STK38: variants seen among roughly 807,000 people sequenced by gnomAD.
STK38 encodes the protein serine/threonine kinase 38.
In STK38, 26 loss-of-function variants were observed where a neutral mutation model predicts 59.0. That is an observed-to-expected ratio of 0.44 (90% CI 0.32 to 0.61). The LOEUF is 0.61. Ranked by LOEUF, STK38 falls within the 20% of genes least tolerant of loss-of-function variation. The pLI is 0.04. For synonymous variants in STK38, 175 were observed against 176.6 expected (o/e 0.99, Z 0.07); for missense variants, 433 against 566.0 (o/e 0.76, Z 2.38).
At chr6:36,504,940 GGAAA>G (rs990678217) in intron 9 of STK38, among the ~76,000 whole-genome samples, 4 of 138,236 alleles carry the variant, frequency 2.9e-5, no homozygotes, top group East Asian at 4.3e-4. Context: ...AGAAAAGAAA[GGAAA>G]GAAAGAAAGA....
chr6:36,540,052 T>C lies in STK38; in HGVS notation c.131+20A>G. ...GAATGCCACAACCATGACACAATTTTTTCAAACAAAATTCTTTACCTCATT... is the reference window on the plus strand; with the variant it reads ...GAATGCCACAACCATGACACAATTTCTTCAAACAAAATTCTTTACCTCATT... On this transcript the variant is annotated intron_variant, in intron 2 of 13. Coordinates refer to ENST00000229812, the MANE Select transcript of STK38 (RefSeq NM_007271.4). 6.2e-7 allele frequency: 1 copy of C among 1,612,984 alleles called. No homozygotes were observed. The highest frequency in any genetic ancestry group is 8.5e-7 in the Non-Finnish European group (1 of 1,179,412).
At position 36,506,638 on chromosome 6, in the gene STK38, T is replaced by C. The variant is rs778851113; in HGVS notation, c.779A>G (p.Gln260Arg). 1.9e-6 allele frequency: 3 copies of C among 1,613,122 alleles called. No individual in the cohort carries two copies. The highest frequency in any genetic ancestry group is 2.5e-6 in the Non-Finnish European group (3 of 1,179,766). The change falls in exon 9 of 14, where the codon CAG becomes CGG. Residue 260 changes from glutamine to arginine, a missense_variant. Gln to Arg is a conservative substitution (Grantham distance 43). Coordinates refer to ENST00000229812, the MANE Select transcript of STK38 (RefSeq NM_007271.4). Reference protein sequence around the residue: ...NHSLPSDFTFQNMNSKRKAET... With the variant: ...NHSLPSDFTFRNMNSKRKAET... Reference sequence around the variant, plus strand: ...TGCTTTCCTTTTGGAATTCATGTTCTGGAAAGCTGAAAGTAAAGAATACAA... The same window carrying C: ...TGCTTTCCTTTTGGAATTCATGTTCCGGAAAGCTGAAAGTAAAGAATACAA...
At chr6:36,507,687 T>C (rs1777000726) in intron 7 of STK38, 85 bp from the exon 8 acceptor site, 1 of 945,520 alleles carries the variant, frequency 1.1e-6, no homozygotes, top group South Asian at 1.6e-5. Flanking sequence ...CCAGCATCCA[T>C]TATAGCTCTA....
At chr6:36,527,963 G>A (rs1214639116) in intron 2 of STK38, among the ~76,000 whole-genome samples, 4 of 150,268 alleles carry the variant, frequency 2.7e-5, no homozygotes, top group Non-Finnish European at 5.9e-5. Context: ...AAAAAAATTA[G>A]CCAGGTGTAG....
In STK38 at chr6:36,530,471, T is replaced by G. The variant is rs532860762; in HGVS notation, c.132-4829A>C. 1.5e-4 allele frequency among the ~76,000 whole-genome samples: 22 copies of G among 151,224 alleles called. No individual in the cohort carries two copies. In the South Asian group the frequency reaches 4.0e-3, roughly 27 times the overall value. On this transcript the variant is annotated intron_variant, in intron 2 of 13. Transcript: ENST00000229812. ...CCTCTGCCTCCCGGGTACAAGTGAT[T>G]CTTCTGCCTCAGCCTCCCGGATAGC...
intron 5 of STK38, among the ~76,000 whole-genome samples, chr6:36,518,917 C>T (rs1777319364): frequency 6.6e-6 from 1 of 152,138 alleles, no homozygotes; most frequent in African/African-American, 2.4e-5. Flanking sequence ...TGGCTGTTGG[C>T]AAATTTAGTC....
intron 3 of STK38, 36 bp downstream of exon 3, chr6:36,525,555 C>T (rs749926839): frequency 6.2e-7 from 1 of 1,602,604 alleles, no homozygotes; most frequent in Admixed American, 1.7e-5. Flanking sequence ...ACCTGCCACG[C>T]TGGGTTTTAA....
chr6:36,497,223 C>A (rs1200368229), intron 12 of STK38, among the ~76,000 whole-genome samples: 1 of 152,198 alleles, frequency 6.6e-6, no homozygotes, highest in Non-Finnish European at 1.5e-5. Flanking sequence ...CAAATCAGTA[C>A]ACAATTATAA....
chr6:36,511,308 G>A (rs1461046914), intron 7 of STK38, among the ~76,000 whole-genome samples: 1 of 151,860 alleles, frequency 6.6e-6, no homozygotes, highest in East Asian at 1.9e-4. Context: ...AAGGTAAACT[G>A]CCAAACAGGG....
intron 13 of STK38, among the ~76,000 whole-genome samples, chr6:36,496,390 A>G (rs1359562605): frequency 3.3e-5 from 5 of 152,054 alleles, no homozygotes; most frequent in East Asian, 1.9e-4. Context: ...TTTAAATCTC[A>G]TATTTCTTCA....
At chr6:36,497,928 GAA>G (rs1161632039) in intron 11 of STK38, 53 bp from the exon 12 acceptor site, 55 of 852,624 alleles carry the variant, frequency 6.5e-5, no homozygotes, top group Non-Finnish European at 9.0e-5. Flanking sequence ...CTCAGAAAAA[GAA>G]AAACTTTCTT....
chr6:36,539,253 G>A (rs1777873597), intron 2 of STK38, among the ~76,000 whole-genome samples: 1 of 151,908 alleles, frequency 6.6e-6, no homozygotes, highest in South Asian at 2.1e-4. Context: ...AGGCGTGGTG[G>A]CTCACACCTG....
chr6:36,497,916 T>G, intron 11 of STK38, 41 bp from the exon 12 acceptor site: 1 of 1,209,098 alleles, frequency 8.3e-7, no homozygotes, highest in Non-Finnish European at 1.2e-6. Context: ...TCAAGCAGTC[T>G]CCTCAGAAAA....
chr6:36,512,304 C>T (rs933209261), intron 7 of STK38, among the ~76,000 whole-genome samples: 1 of 152,090 alleles, frequency 6.6e-6, no homozygotes, highest in African/African-American at 2.4e-5. Context: ...CAAACCTGCA[C>T]CTAACAGGAT....
At chr6:36,533,702 T>C (rs1205570116) in intron 2 of STK38, among the ~76,000 whole-genome samples, 3 of 152,148 alleles carry the variant, frequency 2.0e-5, no homozygotes, top group Non-Finnish European at 4.4e-5. Context: ...ACCAGTAGGA[T>C]AAAACCCAGA....
chr6:36,543,173 T>C (rs1454943998), intron 1 of STK38, among the ~76,000 whole-genome samples: 1 of 151,178 alleles, frequency 6.6e-6, no homozygotes, highest in African/African-American at 2.4e-5. Context: ...CGTGCCATTC[T>C]CCTGCCTCAG....
At chr6:36,498,318 A>C (rs776711097) in intron 11 of STK38, 45 bp downstream of exon 11, 1 of 1,579,452 alleles carries the variant, frequency 6.3e-7, no homozygotes, top group Admixed American at 2.1e-5. Context: ...GGAATCATTC[A>C]TATTAAAAAG....
intron 13 of STK38, among the ~76,000 whole-genome samples, chr6:36,496,333 C>T (rs919485442): frequency 6.6e-6 from 1 of 152,134 alleles, no homozygotes. Flanking sequence ...TGAGCCACCG[C>T]GCCTGGCCTC....
At chr6:36,541,758 T>C (rs1265995879) in intron 1 of STK38, among the ~76,000 whole-genome samples, 1 of 152,202 alleles carries the variant, frequency 6.6e-6, no homozygotes, top group East Asian at 1.9e-4. Flanking sequence ...AAAATGTTAT[T>C]AGTGGCTTAC....
Sources: gnomAD v4.1 joint callset for allele counts (sites outside exome capture counted in the v4.1 genomes callset) on GRCh38, gnomAD v4.1.1 for gene constraint, MANE v1.5 for transcripts, NCBI Gene and HGNC (gene_info 2026-07-23, HGNC 2026-07-21) for gene names.